Variants in NUP210L observed in about 807,000 individuals in gnomAD.
NUP210L encodes the protein nucleoporin 210 like, also known as nuclear pore membrane glycoprotein 210-like.
In NUP210L, 74 loss-of-function variants were observed where a neutral mutation model predicts 208.5. The ratio of observed to expected loss-of-function variants is 0.35; its 90% confidence interval spans 0.29 to 0.43. NUP210L has a LOEUF of 0.43. Ranked by LOEUF, NUP210L falls within the 20% of genes least tolerant of loss-of-function variation. The pLI is 1.00. For synonymous variants in NUP210L, 780 were observed against 816.9 expected (o/e 0.95, Z 0.77); for missense variants, 1,843 against 2,289.4 (o/e 0.81, Z 3.98).
intron 16 of NUP210L, among the ~76,000 whole-genome samples, chr1:154,076,323 T>C (rs770503015): frequency 1.3e-5 from 2 of 151,110 alleles, no homozygotes; most frequent in African/African-American, 2.4e-5. Context: ...AGGATGGTCT[T>C]GAACTCCTGA....
intron 8 of NUP210L, 72 bp from the exon 9 acceptor site, chr1:154,127,489 C>T: frequency 1.4e-6 from 1 of 712,194 alleles, no homozygotes; most frequent in Non-Finnish European, 2.4e-6. Context: ...AAAAATACAA[C>T]CTTTATAAAG....
intron 6 of NUP210L, among the ~76,000 whole-genome samples, 166 bp from the exon 7 acceptor site, chr1:154,136,138 G>T (rs1044744425): frequency 2.6e-5 from 4 of 152,158 alleles, no homozygotes; most frequent in Non-Finnish European, 4.4e-5. Flanking sequence ...TAACCATTTG[G>T]GGGGAGTATA....
chr1:154,071,013 C>T (rs1324390753), intron 16 of NUP210L, among the ~76,000 whole-genome samples: 1 of 151,236 alleles, frequency 6.6e-6, no homozygotes, highest in Non-Finnish European at 1.5e-5. Flanking sequence ...AGAAAAGGCA[C>T]ATTTGCCCTT....
intron 23 of NUP210L, among the ~76,000 whole-genome samples, chr1:154,055,127 C>CTTTCTCTTTCTTTCT (rs1557943976): frequency 1.7e-4 from 3 of 17,982 alleles, no homozygotes; most frequent in South Asian, 1.9e-3. Flanking sequence ...TCTTTCTTTT[C>CTTTCTCTTTCTTTCT]TTTCTTTCTT....
exon 36 of NUP210L, chr1:154,001,977 C>T: frequency 1.2e-6 from 2 of 1,612,980 alleles, no homozygotes; most frequent in Non-Finnish European, 1.7e-6. Flanking sequence ...ATTATGCAGA[C>T]ATAAACCCCT....
intron 7 of NUP210L, among the ~76,000 whole-genome samples, chr1:154,131,496 C>T (rs945903531): frequency 6.6e-6 from 1 of 152,038 alleles, no homozygotes. Context: ...TCTCCTTTCT[C>T]CCTTATCTCT....
At chr1:153,995,011 CAAA>C (rs376157395) in intron 38 of NUP210L, 62 bp downstream of exon 38, 5,860 of 712,612 alleles carry the variant, frequency 8.2e-3, no homozygotes, top group South Asian at 0.011. Flanking sequence ...AACTCCATCT[CAAA>C]AAAAAAAAAA....
At chr1:154,024,014 C>G (rs1651712741) in intron 30 of NUP210L, among the ~76,000 whole-genome samples, 1 of 151,966 alleles carries the variant, frequency 6.6e-6, no homozygotes, top group Non-Finnish European at 1.5e-5. Context: ...TGGTCTTGAA[C>G]TCCTGACCTC....
chr1:154,129,410 G>A (rs1658139130), intron 7 of NUP210L, 65 bp from the exon 8 acceptor site: 2 of 951,780 alleles, frequency 2.1e-6, no homozygotes, highest in Non-Finnish European at 1.7e-6. Flanking sequence ...TACCAAAGGA[G>A]AAAAACAAAC....
intron 10 of NUP210L, among the ~76,000 whole-genome samples, chr1:154,125,620 TGAAAGGAAGGAAGGAAGGAA>T (rs1657860140): frequency 7.8e-5 from 5 of 64,244 alleles, no homozygotes; most frequent in East Asian, 3.9e-4. Context: ...AGGCCCTCTC[TGAAAGGAAGGAAGGAAGGAA>T]GGAAGGAAGG....
chr1:154,082,085 G>T (rs1290190810), intron 16 of NUP210L, among the ~76,000 whole-genome samples: 2 of 152,208 alleles, frequency 1.3e-5, no homozygotes. Flanking sequence ...TAATCCCATG[G>T]AGAGGGCATG....
At chr1:154,134,076 G>A (rs1326778418) in intron 7 of NUP210L, among the ~76,000 whole-genome samples, 1 of 150,510 alleles carries the variant, frequency 6.6e-6, no homozygotes, top group Non-Finnish European at 1.5e-5. Context: ...CTCGAACCTG[G>A]GAGGCGGAGG....
intron 33 of NUP210L, 121 bp from the exon 34 acceptor site, chr1:154,012,491 C>A: frequency 1.2e-6 from 1 of 863,648 alleles, no homozygotes; most frequent in Non-Finnish European, 1.8e-6. Context: ...CAGATTCCAT[C>A]TCATGACCAC....
chr1:154,041,485 C>T (rs1055392964), intron 27 of NUP210L, among the ~76,000 whole-genome samples: 4 of 152,140 alleles, frequency 2.6e-5, no homozygotes, highest in African/African-American at 4.8e-5. Flanking sequence ...CATGTGCCAC[C>T]GCACCTGGTT....
At chr1:154,012,545 A>C (rs971363592) in intron 33 of NUP210L, among the ~76,000 whole-genome samples, 175 bp from the exon 34 acceptor site, 23 of 147,768 alleles carry the variant, frequency 1.6e-4, no homozygotes, top group Non-Finnish European at 3.4e-4. Flanking sequence ...AAGACAAAAT[A>C]ACTTTTTTTT....
At chr1:154,075,367 C>T (rs1442087504) in intron 16 of NUP210L, among the ~76,000 whole-genome samples, 1 of 151,986 alleles carries the variant, frequency 6.6e-6, no homozygotes, top group African/African-American at 2.4e-5. Context: ...GACTCAATGA[C>T]TCAACATCAT....
rs572900879 is a variant in NUP210L at position 154,097,766 on chromosome 1, A to G, written c.1965+2232T>C. ...CAGGATTTGTCAGTATCTATCAGCA[A>G]GAACTTGTAGATACCAATTTTAGCT... On this transcript the variant is annotated intron_variant, in intron 14 of 39. Transcript: ENST00000368559. Among the ~76,000 whole-genome samples, 105 of 152,330 alleles carry G rather than the reference A, an allele frequency of 6.9e-4. 1 individual carries two copies. Among genetic ancestry groups the G allele is most frequent in the Non-Finnish European group, 1.6e-4 (11 of 68,032 alleles).
At chr1:154,054,454 T>A in intron 24 of NUP210L, 47 bp from the exon 25 acceptor site, 1 of 1,575,014 alleles carries the variant, frequency 6.3e-7, no homozygotes, top group Non-Finnish European at 8.7e-7. Context: ...GAGGGAGAAA[T>A]CATGTCTCTT....
At position 154,129,266 on chromosome 1, in the gene NUP210L, A is replaced by G. The variant is rs1239787872; in HGVS notation, c.1078+11T>C. The G allele has an allele frequency of 1.3e-6, 2 of 1,558,176 alleles. No individual in the cohort carries two copies. The highest frequency in any genetic ancestry group is 1.1e-5 in the South Asian group (1 of 87,672). ...GCTATCCACCTTTCTGAAAAGTATGATCTAAAATACCTAAAAATCCAGGCT... is the reference window on the plus strand; with the variant it reads ...GCTATCCACCTTTCTGAAAAGTATGGTCTAAAATACCTAAAAATCCAGGCT... On this transcript the variant is annotated intron_variant, in intron 8 of 39. Coordinates refer to ENST00000368559, the Ensembl canonical transcript of NUP210L.
Sources: allele counts gnomAD v4.1 joint callset (sites outside exome capture counted in the v4.1 genomes callset), GRCh38; gene constraint gnomAD v4.1.1; transcripts MANE v1.5; gene names NCBI Gene and HGNC (gene_info 2026-07-23, HGNC 2026-07-21).